Variants in DPP10 observed in about 807,000 individuals in gnomAD.
DPP10 encodes inactive dipeptidyl peptidase 10.
DPP10 carries 33 observed loss-of-function variants against 120.9 expected under a neutral mutation model. That is an observed-to-expected ratio of 0.27 (90% CI 0.21 to 0.37). The LOEUF is 0.37. Among genes scored for constraint, DPP10 ranks in the 10% least tolerant of loss-of-function variants. The pLI, the probability that DPP10 is intolerant of heterozygous loss-of-function variation, is 1.00. For synonymous variants in DPP10, 337 were observed against 326.1 expected, an observed-to-expected ratio of 1.03 and a Z score of -0.36; for missense variants, 816 against 942.8, an observed-to-expected ratio of 0.87 and a Z score of 1.76.
At chr2:114,455,477 G>A (rs796927915) in intron 1 of DPP10, among the ~76,000 whole-genome samples, 114 of 151,918 alleles carry the variant, frequency 7.5e-4, no homozygotes, top group African/African-American at 2.5e-3. Context: ...CCTGGGATGC[G>A]GAGGTGGCAG....
At chr2:115,779,872 T>C (rs1487829958) in intron 15 of DPP10, among the ~76,000 whole-genome samples, 2 of 152,026 alleles carry the variant, frequency 1.3e-5, no homozygotes, top group African/African-American at 2.4e-5. Flanking sequence ...TTTTGAGTAT[T>C]ATAAGGAAAT....
Position 115,814,903 on chromosome 2 carries a change from G to C in DPP10, c.1811G>C (p.Ser604Thr). Residue 604 changes from serine to threonine, a missense_variant, in exon 20 of 26, where the codon AGT (serine) becomes ACT (threonine). This residue lies in a region of DPP10 where 592 missense variants were observed against 649.0 expected (regional missense o/e 0.91). Transcript: ENST00000410059. ...GTAGCAAGATTTGATGGCAGAGGAA[G>C]TGGATTCCAGGGTCTGAAAATTTTG... is the stretch of plus-strand genomic sequence containing the variant. ...VIVARFDGRG[S>T]GFQGLKILQE... is the part of the protein sequence containing the mutation. 1 of 1,613,034 alleles carries C rather than the reference G, an allele frequency of 6.2e-7. No homozygotes were observed.
intron 3 of DPP10, among the ~76,000 whole-genome samples, chr2:115,384,981 A>T (rs953425329): frequency 6.6e-6 from 1 of 152,206 alleles, no homozygotes; most frequent in Non-Finnish European, 1.5e-5. Context: ...TGATAGGTTC[A>T]TCAGGGATTT....
chr2:115,370,160 C>T (rs942992298), intron 3 of DPP10, among the ~76,000 whole-genome samples: 6 of 152,102 alleles, frequency 3.9e-5, no homozygotes, highest in Non-Finnish European at 5.9e-5. Flanking sequence ...TAACTGAAAT[C>T]TCCTATCAAA....
At chr2:114,685,214 A>C (rs1699284319) in intron 1 of DPP10, among the ~76,000 whole-genome samples, 1 of 151,646 alleles carries the variant, frequency 6.6e-6, no homozygotes, top group African/African-American at 2.4e-5. Context: ...CTGCTCACCA[A>C]CTCACTCCTT....
At chr2:114,800,113 T>C (rs1684068620) in intron 1 of DPP10, among the ~76,000 whole-genome samples, 1 of 152,196 alleles carries the variant, frequency 6.6e-6, no homozygotes, top group African/African-American at 2.4e-5. Flanking sequence ...AAGCGCAAGA[T>C]TCGAACCACA....
intron 1 of DPP10, among the ~76,000 whole-genome samples, chr2:114,669,360 G>A (rs1177786886): frequency 6.6e-6 from 1 of 152,100 alleles, no homozygotes; most frequent in Non-Finnish European, 1.5e-5. Context: ...TGATTGTTCA[G>A]CCTACAGTAG....
chr2:115,626,231 A>T (rs768259381), intron 5 of DPP10, among the ~76,000 whole-genome samples: 11 of 152,050 alleles, frequency 7.2e-5, no homozygotes, highest in Non-Finnish European at 1.5e-4. Context: ...ATTTAAACAA[A>T]CAAAATTAAA....
chr2:115,299,525 C>G (rs562884973), intron 1 of DPP10, among the ~76,000 whole-genome samples: 71 of 152,098 alleles, frequency 4.7e-4, no homozygotes, highest in African/African-American at 1.6e-3. Context: ...TTGCTCAACC[C>G]TAATTGTCCT....
intron 5 of DPP10, among the ~76,000 whole-genome samples, chr2:115,635,476 G>C (rs2086251951): frequency 6.6e-6 from 1 of 152,190 alleles, no homozygotes; most frequent in Non-Finnish European, 1.5e-5. Context: ...TAGGTGGGCT[G>C]TGGCACCACT....
intron 5 of DPP10, among the ~76,000 whole-genome samples, chr2:115,675,822 G>A (rs543009756): frequency 6.6e-6 from 1 of 152,244 alleles, no homozygotes; most frequent in African/African-American, 2.4e-5. Flanking sequence ...CATTTTGAGA[G>A]CATGGTCACC....
chr2:114,961,033 CTTTTTTTTTTTTTTTTTTTT>C (rs772146022), intron 1 of DPP10, among the ~76,000 whole-genome samples: 6 of 52,028 alleles, frequency 1.2e-4, no homozygotes, highest in African/African-American at 3.0e-4. Flanking sequence ...CTCTATACGC[CTTTTTTTTTTTTTTTTTTTT>C]TTTTTTTTTT....
At chr2:115,112,370 A>C (rs1001668610) in intron 1 of DPP10, among the ~76,000 whole-genome samples, 4 of 151,944 alleles carry the variant, frequency 2.6e-5, no homozygotes, top group Non-Finnish European at 4.4e-5. Context: ...TTTATTTTAC[A>C]TTATTTTTCT....
At chr2:115,478,199 A>T (rs1440558607) in intron 3 of DPP10, among the ~76,000 whole-genome samples, 2 of 152,212 alleles carry the variant, frequency 1.3e-5, no homozygotes, top group Non-Finnish European at 2.9e-5. Context: ...ATCTATTGGC[A>T]TAACAACAGA....
chr2:115,299,361 A>G (rs937233216), intron 1 of DPP10, among the ~76,000 whole-genome samples: 1 of 151,970 alleles, frequency 6.6e-6, no homozygotes, highest in African/African-American at 2.4e-5. Context: ...AACAAACAGG[A>G]AAGTATGGTG....
intron 5 of DPP10, among the ~76,000 whole-genome samples, chr2:115,623,772 A>G (rs926453577): frequency 2.6e-5 from 4 of 152,198 alleles, no homozygotes; most frequent in African/African-American, 9.6e-5. Flanking sequence ...TTACCGTATG[A>G]AATATGCATT....
intron 1 of DPP10, among the ~76,000 whole-genome samples, chr2:115,003,321 T>C (rs1335065642): frequency 9.9e-5 from 15 of 151,780 alleles, no homozygotes; most frequent in East Asian, 1.9e-4. Context: ...TGAGAACACA[T>C]GGACACAAAG....
chr2:114,752,253 G>GT (rs1679302618), intron 1 of DPP10, among the ~76,000 whole-genome samples: 1 of 152,178 alleles, frequency 6.6e-6, no homozygotes, highest in Non-Finnish European at 1.5e-5. Context: ...TCTCTTGGCA[G>GT]TTTTTTCAGG....
chr2:115,829,907 G>A (rs77667483), intron 21 of DPP10, among the ~76,000 whole-genome samples: 12,351 of 152,090 alleles, frequency 0.081, 667 homozygotes, highest in Non-Finnish European at 0.12. Flanking sequence ...TGACTTGATT[G>A]AAGACATTAA....
Sources: allele counts gnomAD v4.1 joint callset (sites outside exome capture counted in the v4.1 genomes callset), GRCh38; gene constraint gnomAD v4.1.1; regional missense constraint gnomAD v4.1.1; transcripts MANE v1.5; gene names NCBI Gene and HGNC (gene_info 2026-07-23, HGNC 2026-07-21).